The following KCND3 variants were observed in gnomAD, a reference collection of about 807,000 sequenced individuals.
KCND3 encodes the protein A-type voltage-gated potassium channel KCND3.
Under a neutral mutation model 51.1 loss-of-function variants are expected in KCND3, and 9 were observed. That is an observed-to-expected ratio of 0.18 (90% CI 0.11 to 0.31). KCND3 has a LOEUF of 0.31. KCND3 is among the 10% of genes least tolerant of loss of function. The pLI, the probability that KCND3 is intolerant of heterozygous loss-of-function variation, is 1.00. For synonymous variants in KCND3, 349 were observed against 368.0 expected (o/e 0.95, Z 0.59); for missense variants, 526 against 903.8 (o/e 0.58, Z 5.36).
intron 2 of KCND3, among the ~76,000 whole-genome samples, chr1:111,822,456 T>C (rs934832390): frequency 3.9e-5 from 6 of 152,240 alleles, no homozygotes; most frequent in African/African-American, 1.4e-4. Flanking sequence ...AGTAGACTCA[T>C]ACAGTATTTG....
At chr1:111,795,341 G>A (rs976261157) in intron 2 of KCND3, among the ~76,000 whole-genome samples, 7 of 152,228 alleles carry the variant, frequency 4.6e-5, no homozygotes, top group African/African-American at 1.7e-4. Flanking sequence ...CCACCTAGGG[G>A]TGGACCCAGA....
chr1:111,861,567 G>T (rs1668341261), intron 2 of KCND3, among the ~76,000 whole-genome samples: 1 of 152,174 alleles, frequency 6.6e-6, no homozygotes, highest in Non-Finnish European at 1.5e-5. Flanking sequence ...TGTGTTTACG[G>T]AGGGAAGCGG....
intron 2 of KCND3, among the ~76,000 whole-genome samples, chr1:111,860,763 C>T (rs1668303781): frequency 6.6e-6 from 1 of 152,228 alleles, no homozygotes; most frequent in Non-Finnish European, 1.5e-5. Flanking sequence ...ATTCAGGTGG[C>T]TACTAAAACA....
At chr1:111,877,256 C>G (rs1669091652) in intron 2 of KCND3, among the ~76,000 whole-genome samples, 1 of 152,252 alleles carries the variant, frequency 6.6e-6, no homozygotes, top group East Asian at 1.9e-4. Context: ...TTGTCCTTGT[C>G]TGAAGCGTCA....
intron 1 of KCND3, among the ~76,000 whole-genome samples, chr1:111,985,289 C>G (rs1036499722): frequency 6.6e-6 from 1 of 152,138 alleles, no homozygotes; most frequent in African/African-American, 2.4e-5. Context: ...GGGGTAGACA[C>G]CACTGTAGGC....
intron 2 of KCND3, among the ~76,000 whole-genome samples, chr1:111,891,968 C>T (rs376433800): frequency 9.2e-4 from 114 of 124,012 alleles, no homozygotes; most frequent in African/African-American, 3.0e-3. Context: ...GCGTGTGTGT[C>T]TGTGTGTGTG....
chr1:111,882,069 C>T lies in KCND3; in HGVS notation c.1107-94963G>A, dbSNP rs571962521. Among the ~76,000 whole-genome samples the T allele has an allele frequency of 1.2e-4, 18 of 152,228 alleles. No homozygotes were observed. In the South Asian group the frequency reaches 3.5e-3, roughly 30 times the overall value. ...GAGGGAGGCAGGTGGGTGGCCTCTC[C>T]GGGACAGACTGGCTGCTGGCTGTTG... is the stretch of plus-strand genomic sequence containing the variant. On this transcript the variant is annotated intron_variant, in intron 2 of 7. Coordinates refer to ENST00000302127, the MANE Select transcript of KCND3 (RefSeq NM_001378969.1).
chr1:111,944,847 C>G (rs1672702434), intron 2 of KCND3, among the ~76,000 whole-genome samples: 2 of 152,202 alleles, frequency 1.3e-5, no homozygotes, highest in Admixed American at 1.3e-4. Context: ...TACCGGAGGC[C>G]CAGGTTGAAC....
chr1:111,935,058 A>G (rs1672154908), intron 2 of KCND3, among the ~76,000 whole-genome samples: 1 of 152,210 alleles, frequency 6.6e-6, no homozygotes, highest in South Asian at 2.1e-4. Context: ...ACCAGACTTA[A>G]AGCCAAATCC....
intron 2 of KCND3, among the ~76,000 whole-genome samples, chr1:111,826,409 G>A (rs1666573037): frequency 6.6e-6 from 1 of 152,090 alleles, no homozygotes; most frequent in Non-Finnish European, 1.5e-5. Flanking sequence ...CTTTTAGAGT[G>A]TGCAGCCATG....
intron 2 of KCND3, among the ~76,000 whole-genome samples, chr1:111,809,858 A>G (rs1356733710): frequency 6.6e-6 from 1 of 152,188 alleles, no homozygotes; most frequent in Non-Finnish European, 1.5e-5. Flanking sequence ...AGCTCCAGGG[A>G]GATGAAATTT....
At chr1:111,826,877 C>T (rs1254105796) in intron 2 of KCND3, among the ~76,000 whole-genome samples, 1 of 152,218 alleles carries the variant, frequency 6.6e-6, no homozygotes, top group Non-Finnish European at 1.5e-5. Flanking sequence ...CCCTATGAGG[C>T]TGGTACTACA....
intron 2 of KCND3, among the ~76,000 whole-genome samples, chr1:111,972,329 C>T (rs1321445221): frequency 6.6e-5 from 10 of 151,520 alleles, no homozygotes; most frequent in Middle Eastern, 3.2e-3. Context: ...CCCGCCACTA[C>T]GCCCGGCTAA....
intron 2 of KCND3, among the ~76,000 whole-genome samples, chr1:111,942,615 C>T (rs1292378434): frequency 6.6e-6 from 1 of 152,256 alleles, no homozygotes; most frequent in Non-Finnish European, 1.5e-5. Flanking sequence ...CAACTCACTA[C>T]ACCCATCGCT....
chr1:111,779,713 G>C (rs1270489753), intron 5 of KCND3, among the ~76,000 whole-genome samples: 1 of 151,974 alleles, frequency 6.6e-6, no homozygotes, highest in African/African-American at 2.4e-5. Flanking sequence ...GGTGGGGGTG[G>C]GGGGGCGGTA....
intron 2 of KCND3, among the ~76,000 whole-genome samples, chr1:111,837,609 G>C (rs1467992667): frequency 6.6e-6 from 1 of 152,184 alleles, no homozygotes; most frequent in African/African-American, 2.4e-5. Context: ...AGGCAGTACA[G>C]AGTCCCACTT....
intron 3 of KCND3, among the ~76,000 whole-genome samples, chr1:111,785,947 A>C (rs978940665): frequency 2.6e-5 from 4 of 152,216 alleles, no homozygotes; most frequent in Admixed American, 2.0e-4. Flanking sequence ...GTAAGGAGAC[A>C]AAACCCCAAG....
chr1:111,947,330 C>T (rs1672825496), intron 2 of KCND3, among the ~76,000 whole-genome samples: 1 of 152,174 alleles, frequency 6.6e-6, no homozygotes, highest in African/African-American at 2.4e-5. Flanking sequence ...AGGGATATAA[C>T]AGTGAGTAAA....
intron 2 of KCND3, among the ~76,000 whole-genome samples, chr1:111,957,386 T>C: frequency 6.6e-6 from 1 of 152,194 alleles, no homozygotes; most frequent in Non-Finnish European, 1.5e-5. Flanking sequence ...AGGAAGGGTC[T>C]TCCCTTAAGT....
Sources: gnomAD v4.1 joint callset for allele counts (sites outside exome capture counted in the v4.1 genomes callset) on GRCh38, gnomAD v4.1.1 for gene constraint, MANE v1.5 for transcripts, NCBI Gene and HGNC (gene_info 2026-07-23, HGNC 2026-07-21) for gene names.